The following ZNF804B variants were observed in gnomAD, a reference collection of about 807,000 sequenced individuals.
ZNF804B encodes zinc finger 804B.
In ZNF804B, 80 loss-of-function variants were observed where a neutral mutation model predicts 101.4. That is an observed-to-expected ratio of 0.79 (90% CI 0.66 to 0.95). The LOEUF (loss-of-function observed/expected upper bound fraction) is 0.95. ZNF804B is among the 40% of genes least tolerant of loss of function. The pLI, the probability that ZNF804B is intolerant of heterozygous loss-of-function variation, is 0.00. For synonymous variants in ZNF804B, 622 were observed against 558.8 expected, an observed-to-expected ratio of 1.11 and a Z score of -1.59; for missense variants, 1,673 against 1,561.9, an observed-to-expected ratio of 1.07 and a Z score of -1.20.
chr7:88,807,423 G>T (rs1424358656), intron 1 of ZNF804B, among the ~76,000 whole-genome samples: 1 of 152,162 alleles, frequency 6.6e-6, no homozygotes, highest in Non-Finnish European at 1.5e-5. Context: ...CCATACAGAA[G>T]AGCTAGATTA....
chr7:89,219,798 C>T (rs571330473), intron 2 of ZNF804B, among the ~76,000 whole-genome samples: 9 of 150,628 alleles, frequency 6.0e-5, no homozygotes, highest in East Asian at 3.9e-4. Flanking sequence ...ATAAATCTTT[C>T]GTCAGACATC....
At chr7:89,268,563 T>C (rs535636933) in intron 2 of ZNF804B, among the ~76,000 whole-genome samples, 10 of 140,464 alleles carry the variant, frequency 7.1e-5, no homozygotes, top group South Asian at 2.4e-4. Context: ...AGCTATTTGA[T>C]TTATTTTTCT....
intron 1 of ZNF804B, among the ~76,000 whole-genome samples, chr7:88,960,452 A>G (rs73705601): frequency 0.15 from 22,645 of 151,158 alleles, 1,801 homozygotes; most frequent in South Asian, 0.25. Context: ...CTTCTAGGAG[A>G]AAAAGTTATT....
At chr7:89,040,030 C>G (rs371831110) in intron 1 of ZNF804B, among the ~76,000 whole-genome samples, 1 of 151,914 alleles carries the variant, frequency 6.6e-6, no homozygotes, top group Non-Finnish European at 1.5e-5. Flanking sequence ...CTCTCCAGAT[C>G]TGGAGATTTT....
At chr7:89,119,967 TA>T (rs932230622) in intron 1 of ZNF804B, among the ~76,000 whole-genome samples, 23 of 86,226 alleles carry the variant, frequency 2.7e-4, no homozygotes, top group African/African-American at 7.0e-4. Context: ...TTTATCTAAA[TA>T]TTTTTTTTTT....
At chr7:89,222,873 AT>A (rs1451240294) in intron 2 of ZNF804B, among the ~76,000 whole-genome samples, 1 of 151,970 alleles carries the variant, frequency 6.6e-6, no homozygotes, top group Admixed American at 6.6e-5. Flanking sequence ...AAACATTGGA[AT>A]AATTAAATTT....
chr7:89,311,464 T>G (rs1790649568), intron 2 of ZNF804B, among the ~76,000 whole-genome samples: 1 of 152,172 alleles, frequency 6.6e-6, no homozygotes, highest in Admixed American at 6.6e-5. Context: ...TAGACTGTGA[T>G]GGAATGCCAA....
chr7:88,850,861 A>C (rs1158775193), intron 1 of ZNF804B, among the ~76,000 whole-genome samples: 3 of 152,134 alleles, frequency 2.0e-5, no homozygotes, highest in African/African-American at 7.2e-5. Flanking sequence ...AATTAGTAAA[A>C]CTGTATTAAA....
intron 1 of ZNF804B, among the ~76,000 whole-genome samples, chr7:89,114,871 A>G (rs1790283963): frequency 6.6e-6 from 1 of 152,202 alleles, no homozygotes; most frequent in Admixed American, 6.5e-5. Flanking sequence ...GTAGGCTAAG[A>G]TAAATGTTCT....
At chr7:88,938,604 G>A (rs1793008003) in intron 1 of ZNF804B, among the ~76,000 whole-genome samples, 1 of 151,952 alleles carries the variant, frequency 6.6e-6, no homozygotes, top group Admixed American at 6.6e-5. Flanking sequence ...TCTTTAGATA[G>A]GAATTTGGGC....
chr7:88,955,818 G>A (rs867734971), intron 1 of ZNF804B, among the ~76,000 whole-genome samples: 14 of 151,586 alleles, frequency 9.2e-5, no homozygotes, highest in African/African-American at 3.1e-4. Context: ...AAGACAACCT[G>A]CTGAATGGGA....
chr7:88,969,550 C>T (rs1425945283), intron 1 of ZNF804B, among the ~76,000 whole-genome samples: 2 of 151,564 alleles, frequency 1.3e-5, no homozygotes, highest in Middle Eastern at 3.4e-3. Flanking sequence ...TCTTCCATCC[C>T]CACTCAATTC....
chr7:89,189,220 G>A (rs1387020538), intron 1 of ZNF804B, among the ~76,000 whole-genome samples: 4 of 152,028 alleles, frequency 2.6e-5, no homozygotes, highest in Admixed American at 2.6e-4. Context: ...TTTACATCAT[G>A]GCTTACTGAA....
intron 1 of ZNF804B, among the ~76,000 whole-genome samples, chr7:88,906,387 G>A (rs1284273902): frequency 6.6e-6 from 1 of 152,080 alleles, no homozygotes; most frequent in African/African-American, 2.4e-5. Flanking sequence ...AAGGCAGTTA[G>A]CACTAAAAAT....
chr7:89,075,740 C>T (rs899877013), intron 1 of ZNF804B, among the ~76,000 whole-genome samples: 1 of 152,172 alleles, frequency 6.6e-6, no homozygotes, highest in African/African-American at 2.4e-5. Context: ...ACAGTTTGTA[C>T]CATGTGCCTG....
chr7:89,108,759 G>C (rs1207310026), intron 1 of ZNF804B, among the ~76,000 whole-genome samples: 1 of 152,064 alleles, frequency 6.6e-6, no homozygotes, highest in Non-Finnish European at 1.5e-5. Flanking sequence ...AGTGTGAAAA[G>C]TAGAGAAGAA....
intron 1 of ZNF804B, among the ~76,000 whole-genome samples, chr7:89,007,386 T>C (rs1180535202): frequency 7.0e-6 from 1 of 142,026 alleles, no homozygotes; most frequent in Non-Finnish European, 1.5e-5. Flanking sequence ...TTTTCCGGGT[T>C]CAGGAAACAC....
intron 2 of ZNF804B, among the ~76,000 whole-genome samples, chr7:89,315,138 C>T (rs1486929003): frequency 6.6e-6 from 1 of 152,092 alleles, no homozygotes; most frequent in East Asian, 1.9e-4. Flanking sequence ...AGGCATGTCA[C>T]ATGGTGAGAG....
Position 89,334,564 on chromosome 7 carries a change from CAAG to C in ZNF804B, c.1587_1589del (p.Glu529del). The stretch of plus-strand genomic sequence containing the variant: ...AACTGAAGACCAACAAAAATTGATC[CAAG>C]AAGATTATCAATATCCGAAACCAAA... On this transcript the variant is annotated inframe_deletion, in exon 4 of 4. Coordinates refer to ENST00000333190, the MANE Select transcript of ZNF804B (RefSeq NM_181646.5). 6.2e-7 allele frequency: 1 copy of C among 1,613,558 alleles called. No individual in the cohort carries two copies. Among genetic ancestry groups the C allele is most frequent in the Non-Finnish European group, 8.5e-7 (1 of 1,179,800 alleles).
Sources: gnomAD v4.1 joint callset for allele counts (sites outside exome capture counted in the v4.1 genomes callset) on GRCh38, gnomAD v4.1.1 for gene constraint, MANE v1.5 for transcripts, NCBI Gene and HGNC (gene_info 2026-07-23, HGNC 2026-07-21) for gene names.